Variants in ESRRG observed in about 807,000 individuals in gnomAD.
ESRRG encodes estrogen related receptor gamma.
ESRRG carries 13 observed loss-of-function variants against 44.0 expected under a neutral mutation model. The ratio of observed to expected loss-of-function variants is 0.30; its 90% CI spans 0.19 to 0.47. The LOEUF (loss-of-function observed/expected upper bound fraction) is 0.47. Among genes scored for constraint, ESRRG ranks in the 20% least tolerant of loss-of-function variants. The pLI is 1.00. For missense variants in ESRRG, 395 were observed against 580.6 expected, an observed-to-expected ratio of 0.68 and a Z score of 3.29; for synonymous variants, 215 against 214.6, an observed-to-expected ratio of 1.00 and a Z score of -0.02.
intron 1 of ESRRG, among the ~76,000 whole-genome samples, chr1:217,088,686 G>A (rs1245902135): frequency 1.3e-5 from 2 of 151,748 alleles, no homozygotes; most frequent in Non-Finnish European, 1.5e-5. Context: ...AGGCCCTTCC[G>A]GACTCTTCCA....
chr1:217,064,007 C>G (rs1456755132), intron 1 of ESRRG, among the ~76,000 whole-genome samples: 1 of 151,908 alleles, frequency 6.6e-6, no homozygotes, highest in Non-Finnish European at 1.5e-5. Context: ...TAAACACACA[C>G]AATAAATAGG....
chr1:216,903,811 C>T (rs2059372308), intron 2 of ESRRG, among the ~76,000 whole-genome samples: 1 of 152,062 alleles, frequency 6.6e-6, no homozygotes, highest in Non-Finnish European at 1.5e-5. Context: ...CAGCATGCTA[C>T]CAGGTATAGA....
At chr1:216,559,497 C>A (rs6675478) in intron 5 of ESRRG, among the ~76,000 whole-genome samples, 5 of 152,200 alleles carry the variant, frequency 3.3e-5, no homozygotes, top group Admixed American at 1.3e-4. Flanking sequence ...GCCAATGATA[C>A]AGACCCAAAA....
chr1:216,691,631 G>A (rs1196784986), intron 1 of ESRRG, among the ~76,000 whole-genome samples: 1 of 152,164 alleles, frequency 6.6e-6, no homozygotes, highest in East Asian at 1.9e-4. Context: ...GGTTTCTGTA[G>A]AATAATAAAA....
intron 1 of ESRRG, among the ~76,000 whole-genome samples, chr1:216,955,827 T>C (rs139845043): frequency 9.6e-4 from 146 of 152,316 alleles, no homozygotes; most frequent in Non-Finnish European, 1.4e-3. Context: ...CAAATACTTA[T>C]TGGCTATTTG....
chr1:216,885,248 G>T (rs1222193700), intron 2 of ESRRG, among the ~76,000 whole-genome samples: 1 of 151,690 alleles, frequency 6.6e-6, no homozygotes, highest in Non-Finnish European at 1.5e-5. Flanking sequence ...TATAAAATAT[G>T]TATGAACACA....
intron 2 of ESRRG, among the ~76,000 whole-genome samples, chr1:216,659,823 G>A (rs894894273): frequency 6.6e-6 from 1 of 152,026 alleles, no homozygotes; most frequent in African/African-American, 2.4e-5. Flanking sequence ...TGTATCTGTG[G>A]AATTGCCCCC....
intron 2 of ESRRG, among the ~76,000 whole-genome samples, chr1:216,835,129 A>G (rs1443882420): frequency 7.1e-6 from 1 of 140,190 alleles, no homozygotes; most frequent in Non-Finnish European, 1.5e-5. Context: ...GAACTTTGGC[A>G]TGTAAATGGA....
At chr1:216,656,440 C>T (rs969839705) in intron 2 of ESRRG, among the ~76,000 whole-genome samples, 1 of 152,146 alleles carries the variant, frequency 6.6e-6, no homozygotes, top group African/African-American at 2.4e-5. Context: ...GTCCCGGGCT[C>T]TGATTACTTA....
At chr1:216,938,099 T>C (rs1413620100) in intron 2 of ESRRG, among the ~76,000 whole-genome samples, 1 of 152,160 alleles carries the variant, frequency 6.6e-6, no homozygotes, top group East Asian at 1.9e-4. Context: ...AGCAGACGTG[T>C]TCTTGAAAAG....
intron 1 of ESRRG, among the ~76,000 whole-genome samples, chr1:217,032,216 T>C (rs1315409969): frequency 1.3e-5 from 2 of 152,226 alleles, no homozygotes; most frequent in Non-Finnish European, 2.9e-5. Flanking sequence ...TTTTCTACTT[T>C]CCTTGCCTTT....
At chr1:217,122,401 A>G (rs2092831414) in intron 1 of ESRRG, among the ~76,000 whole-genome samples, 1 of 152,138 alleles carries the variant, frequency 6.6e-6, no homozygotes, top group African/African-American at 2.4e-5. Flanking sequence ...TAGTTATGTG[A>G]TTTTGACTAA....
chr1:217,090,139 T>C (rs929027055), upstream of ESRRG, among the ~76,000 whole-genome samples: 14 of 152,146 alleles, frequency 9.2e-5, no homozygotes, highest in African/African-American at 3.1e-4. Context: ...GTGATTTTTT[T>C]CCCCTTTAAA....
chr1:217,020,877 G>A (rs1036144736), intron 1 of ESRRG, among the ~76,000 whole-genome samples: 13 of 152,008 alleles, frequency 8.6e-5, no homozygotes, highest in African/African-American at 2.9e-4. Flanking sequence ...TCATCCTGAC[G>A]CATGACATGA....
intron 2 of ESRRG, among the ~76,000 whole-genome samples, chr1:216,797,937 G>T (rs1161312350): frequency 1.3e-5 from 2 of 152,070 alleles, no homozygotes; most frequent in South Asian, 2.1e-4. Flanking sequence ...TATCTATAGG[G>T]ATTATTTGGA....
intron 3 of ESRRG, among the ~76,000 whole-genome samples, chr1:216,594,897 G>A (rs767246144): frequency 6.6e-6 from 1 of 152,156 alleles, no homozygotes; most frequent in Admixed American, 6.5e-5. Context: ...TAGAACTTTG[G>A]GACTCAGTAG....
At chr1:216,647,329 G>A (rs1314770081) in intron 3 of ESRRG, among the ~76,000 whole-genome samples, 1 of 152,134 alleles carries the variant, frequency 6.6e-6, no homozygotes, top group Non-Finnish European at 1.5e-5. Context: ...GTAGAGCAGA[G>A]AGAAAGACAA....
intron 1 of ESRRG, among the ~76,000 whole-genome samples, chr1:217,030,661 T>G (rs1004526893): frequency 6.6e-6 from 1 of 152,238 alleles, no homozygotes; most frequent in African/African-American, 2.4e-5. Flanking sequence ...GTCAATAAAC[T>G]AAAGGAGATG....
intron 1 of ESRRG, among the ~76,000 whole-genome samples, chr1:216,722,888 A>C (rs1332471765): frequency 6.6e-6 from 1 of 152,178 alleles, no homozygotes; most frequent in Admixed American, 6.5e-5. Context: ...GTATTTTAAA[A>C]CATCTTTCCT....
Sources: gnomAD v4.1 joint callset for allele counts (sites outside exome capture counted in the v4.1 genomes callset) on GRCh38, gnomAD v4.1.1 for gene constraint, MANE v1.5 for transcripts, NCBI Gene and HGNC (gene_info 2026-07-23, HGNC 2026-07-21) for gene names.